The following CFAP251 variants were observed in gnomAD, a reference collection of about 807,000 sequenced individuals.
CFAP251 encodes cilia and flagella associated protein 251, also known as cilia- and flagella-associated protein 251.
A neutral mutation model predicts 126.7 loss-of-function variants in CFAP251; 93 were observed. The observed-to-expected ratio is 0.73, with a 90% CI of 0.62 to 0.87. The LOEUF is 0.87. CFAP251 is among the 40% of genes least tolerant of loss of function. CFAP251 has a pLI of 0.00. For synonymous variants in CFAP251, 503 were observed against 506.9 expected (o/e 0.99, Z 0.10); for missense variants, 1,287 against 1,389.2 (o/e 0.93, Z 1.17).
chr12:121,950,400 A>T (rs972240061), intron 8 of CFAP251: 4 of 152,136 alleles, frequency 2.6e-5, no homozygotes, highest in Admixed American at 6.5e-5. Flanking sequence ...CAGCATTGTG[A>T]ATGTATGAAA....
At chr12:121,993,863 C>CT (rs1882952055) in intron 19 of CFAP251, among the ~76,000 whole-genome samples, 2 of 120,108 alleles carry the variant, frequency 1.7e-5, no homozygotes, top group Non-Finnish European at 3.5e-5. Flanking sequence ...TCAGCCCCCC[C>CT]GCCCGGCCAG....
At position 121,931,727 on chromosome 12, in the gene CFAP251, CT is replaced by C; in HGVS notation, c.748-16del. 1 of 1,539,424 alleles carries C rather than the reference CT, an allele frequency of 6.5e-7. No individual in the cohort carries two copies. Among genetic ancestry groups the C allele is most frequent in the Non-Finnish European group, 8.7e-7 (1 of 1,147,292 alleles). On this transcript the variant is annotated intron_variant, in intron 3 of 21. Transcript: ENST00000288912. The stretch of plus-strand genomic sequence containing the variant: ...TGAACACGCTGTAATGTCTTGCTGG[CT>C]TTGCCCTTGTCTTCCAGACCATGAC...
chr12:121,961,599 T>C (rs1487826819), intron 14 of CFAP251, among the ~76,000 whole-genome samples: 2 of 152,206 alleles, frequency 1.3e-5, no homozygotes, highest in African/African-American at 4.8e-5. Context: ...GATCTAAATT[T>C]GAATTTTTGA....
In CFAP251 at chr12:121,989,734, G is replaced by A. The variant is rs1882831647; in HGVS notation, c.3007-9982G>A. Among the ~76,000 whole-genome samples the A allele has an allele frequency of 6.6e-6, 1 of 152,070 alleles. No homozygotes were observed. Among genetic ancestry groups the A allele is most frequent in the Non-Finnish European group, 1.5e-5 (1 of 68,002 alleles). ...AGAGGGCGTGGGGAAGAGGGTGAGT[G>A]CTCCCAGTCCTACTGGTCCATGAAA... On this transcript the variant is annotated intron_variant, in intron 19 of 21. Transcript: ENST00000288912. The surrounding 1 kb of genome is among the most constrained non-coding windows in gnomAD (Gnocchi z 4.2).
chr12:121,966,377 C>T (rs1882136883), intron 15 of CFAP251, among the ~76,000 whole-genome samples: 1 of 143,528 alleles, frequency 7.0e-6, no homozygotes, highest in East Asian at 2.0e-4. Context: ...TCTCATGCCT[C>T]AGCCTCCTGA....
At chr12:121,941,555 A>C (rs1432857201) in intron 5 of CFAP251, among the ~76,000 whole-genome samples, 1 of 151,694 alleles carries the variant, frequency 6.6e-6, no homozygotes, top group Non-Finnish European at 1.5e-5. Context: ...GCTGATCTTG[A>C]ACTCCTTAGC....
chr12:121,999,681 C>G, intron 19 of CFAP251, 35 bp from the exon 20 acceptor site: 7 of 1,532,124 alleles, frequency 4.6e-6, no homozygotes, highest in Non-Finnish European at 6.3e-6. Context: ...TTTCTATTTA[C>G]TGTGGTCTTT....
At chr12:121,942,030 C>G (rs1881138411) in intron 5 of CFAP251, among the ~76,000 whole-genome samples, 1 of 152,158 alleles carries the variant, frequency 6.6e-6, no homozygotes, top group African/African-American at 2.4e-5. Flanking sequence ...GAATGAGAAC[C>G]TAGAGCTTGT....
At chr12:121,992,391 A>G (rs1882896717) in intron 19 of CFAP251, 3 of 985,374 alleles carry the variant, frequency 3.0e-6, no homozygotes, top group Non-Finnish European at 3.6e-6. Context: ...AAGAGAGAGT[A>G]AGAGGTGAAT....
intron 7 of CFAP251, among the ~76,000 whole-genome samples, chr12:121,945,819 C>A (rs960638671): frequency 6.6e-6 from 1 of 151,696 alleles, no homozygotes; most frequent in Non-Finnish European, 1.5e-5. Context: ...GCGCCCACCA[C>A]CACGCCTGGC....
intron 7 of CFAP251, among the ~76,000 whole-genome samples, chr12:121,947,317 C>T (rs1881359373): frequency 6.6e-6 from 1 of 152,094 alleles, no homozygotes; most frequent in South Asian, 2.1e-4. Flanking sequence ...GAGCTATCTG[C>T]TGAGATTCCC....
At chr12:121,994,775 T>G (rs1311311177) in intron 19 of CFAP251, among the ~76,000 whole-genome samples, 7 of 111,584 alleles carry the variant, frequency 6.3e-5, no homozygotes, top group African/African-American at 2.5e-4. Context: ...TCGTTAAGAG[T>G]CATCACCAAT....
intron 16 of CFAP251, among the ~76,000 whole-genome samples, 176 bp from the exon 17 acceptor site, chr12:121,967,830 C>T (rs1454326930): frequency 6.6e-6 from 1 of 152,204 alleles, no homozygotes; most frequent in Non-Finnish European, 1.5e-5. Context: ...GGCCCCCTAC[C>T]AGGGCTGGTG....
chr12:121,989,748 T>C lies in CFAP251; in HGVS notation c.3007-9968T>C, dbSNP rs830120. Among the ~76,000 whole-genome samples the C allele has an allele frequency of 0.71, 107,315 of 151,860 alleles. 39,284 individuals carry two copies. The highest frequency in any genetic ancestry group is 0.82 in the Non-Finnish European group (55,901 of 67,960). The stretch of plus-strand genomic sequence containing the variant: ...AGAGGGTGAGTGCTCCCAGTCCTAC[T>C]GGTCCATGAAACCATTAGAAAAGCA... On this transcript the variant is annotated intron_variant, in intron 19 of 21. Coordinates refer to ENST00000288912, the MANE Select transcript of CFAP251 (RefSeq NM_144668.6). The surrounding 1 kb of genome is among the most constrained non-coding windows in gnomAD (Gnocchi z 4.2).
At chr12:121,993,323 A>C (rs1160040488) in intron 19 of CFAP251, among the ~76,000 whole-genome samples, 14 of 97,804 alleles carry the variant, frequency 1.4e-4, no homozygotes, top group African/African-American at 4.3e-4. Context: ...ACTACAACCT[A>C]CACCTCCCAG....
chr12:121,944,495 T>C (rs1489535400), intron 7 of CFAP251, among the ~76,000 whole-genome samples: 1 of 152,220 alleles, frequency 6.6e-6, no homozygotes. Context: ...TTTCACAGTG[T>C]TGTCTTCCAA....
chr12:121,921,285 G>C lies in CFAP251; in HGVS notation c.-20-1G>C, dbSNP rs562202401. On this transcript the variant is annotated splice_acceptor_variant, in intron 1 of 21. Transcript: ENST00000288912. LOFTEE classifies it low-confidence loss of function (5UTR_SPLICE). ...GGTTATTATGGTCAAAATCTCTCTAGAGGAAACTCTACAGAGAAGAATGTC... is the reference window on the plus strand; with the variant it reads ...GGTTATTATGGTCAAAATCTCTCTACAGGAAACTCTACAGAGAAGAATGTC... The C allele has an allele frequency of 1.3e-6, 2 of 1,553,656 alleles. No individual in the cohort carries two copies. Among genetic ancestry groups the C allele is most frequent in the Admixed American group, 2.1e-5 (1 of 47,348 alleles).
intron 3 of CFAP251, among the ~76,000 whole-genome samples, chr12:121,931,391 C>T (rs190938550): frequency 1.4e-3 from 214 of 150,774 alleles, no homozygotes; most frequent in Non-Finnish European, 2.2e-3. Context: ...CGGCTCACTG[C>T]AACCTCCGCC....
chr12:121,991,928 G>C (rs1040580551), intron 19 of CFAP251, among the ~76,000 whole-genome samples: 2 of 152,140 alleles, frequency 1.3e-5, no homozygotes, highest in Non-Finnish European at 2.9e-5. Context: ...AGGAGGTGGA[G>C]GTTGCTGTGA....
Sources: gnomAD v4.1 joint callset for allele counts (sites outside exome capture counted in the v4.1 genomes callset) on GRCh38, gnomAD v4.1.1 for gene constraint, Gnocchi (gnomAD v3.1) non-coding constraint, MANE v1.5 for transcripts, NCBI Gene and HGNC (gene_info 2026-07-23, HGNC 2026-07-21) for gene names.